The following MCTP1 variants were observed in gnomAD, a reference collection of about 807,000 sequenced individuals.
The protein encoded by MCTP1 is multiple C2 and transmembrane domain containing 1, also known as multiple C2 and transmembrane domain-containing protein 1.
In MCTP1, 69 loss-of-function variants were observed where a neutral mutation model predicts 120.6. The observed-to-expected ratio is 0.57, with a 90% CI of 0.47 to 0.70. The LOEUF is 0.70. MCTP1 is among the 30% of genes least tolerant of loss of function. MCTP1 has a pLI of 0.00. For synonymous variants in MCTP1, 529 were observed against 493.1 expected (o/e 1.07, Z -0.96); for missense variants, 1,203 against 1,248.8 (o/e 0.96, Z 0.55).
In MCTP1 at chr5:95,212,596, T is replaced by C. The variant is rs537206360; in HGVS notation, c.720+71260A>G. Among the ~76,000 whole-genome samples the C allele has an allele frequency of 2.1e-3, 313 of 152,142 alleles. 1 individual carries two copies. Among genetic ancestry groups the C allele is most frequent in the African/African-American group, 6.7e-3 (278 of 41,508 alleles). On this transcript the variant is annotated intron_variant, in intron 1 of 22. Transcript: ENST00000515393. ...TTTAGACCAATATCCTTGATGAACA[T>C]TGATGCAAAAATCCTCAATAAAATA...
chr5:94,861,665 G>A (rs1218949838), intron 17 of MCTP1, among the ~76,000 whole-genome samples: 2 of 151,760 alleles, frequency 1.3e-5, no homozygotes, highest in Non-Finnish European at 2.9e-5. Context: ...TGCTCAGCAT[G>A]TCTGTCCTTT....
At chr5:95,052,393 AT>A (rs1254758977) in intron 1 of MCTP1, among the ~76,000 whole-genome samples, 2 of 152,212 alleles carry the variant, frequency 1.3e-5, no homozygotes, top group Admixed American at 6.5e-5. Context: ...TTTTATGCTT[AT>A]TATACTGAGA....
intron 19 of MCTP1, among the ~76,000 whole-genome samples, chr5:94,775,678 T>A (rs773326816): frequency 6.6e-6 from 1 of 152,084 alleles, no homozygotes; most frequent in Non-Finnish European, 1.5e-5. Flanking sequence ...AACATAGTGC[T>A]ACTACATAAT....
chr5:94,771,816 GC>G (rs1188332049), intron 19 of MCTP1, among the ~76,000 whole-genome samples: 1 of 152,184 alleles, frequency 6.6e-6, no homozygotes, highest in Non-Finnish European at 1.5e-5. Context: ...AAACCTAGGT[GC>G]TTGGAAATCA....
intron 2 of MCTP1, among the ~76,000 whole-genome samples, chr5:95,016,079 T>G (rs1428508242): frequency 1.3e-5 from 2 of 152,160 alleles, no homozygotes; most frequent in Non-Finnish European, 2.9e-5. Flanking sequence ...TAAACATGTG[T>G]CCTTAGCTAC....
rs188382043 is a variant in MCTP1 at position 94,925,655 on chromosome 5, C to T, written c.1213-1634G>A. Reference sequence around the variant, plus strand: ...CAATCTCCTGACCTCGTGATCCGCCCGCCTAGGCCTGCCAAAGTGCTGGGA... The same window carrying T: ...CAATCTCCTGACCTCGTGATCCGCCTGCCTAGGCCTGCCAAAGTGCTGGGA... On this transcript the variant is annotated intron_variant, in intron 6 of 22. Coordinates refer to ENST00000515393, the MANE Select transcript of MCTP1 (RefSeq NM_024717.7). Among the ~76,000 whole-genome samples, 988 of 152,260 alleles carry T rather than the reference C, an allele frequency of 6.5e-3. 10 individuals are homozygous for T. Among genetic ancestry groups the T allele is most frequent in the Admixed American group, 0.01 (157 of 15,296 alleles).
chr5:94,779,199 TAAAGG>T (rs750661106), intron 18 of MCTP1, 36 bp from the exon 19 acceptor site: 7 of 1,573,950 alleles, frequency 4.4e-6, no homozygotes, highest in South Asian at 1.1e-5. Context: ...TTTGTGCTCT[TAAAGG>T]AGAGAATTTT....
chr5:94,809,186 G>T (rs1190653082), intron 17 of MCTP1, among the ~76,000 whole-genome samples: 2 of 151,808 alleles, frequency 1.3e-5, no homozygotes, highest in Non-Finnish European at 2.9e-5. Flanking sequence ...TACTTTCCTT[G>T]ATGGAGATAT....
At chr5:94,774,707 G>A (rs1774915731) in intron 19 of MCTP1, among the ~76,000 whole-genome samples, 1 of 152,076 alleles carries the variant, frequency 6.6e-6, no homozygotes. Context: ...TACCATGTGT[G>A]GCAATTTGTT....
chr5:94,791,112 CAAAAAAA>C (rs60394333), intron 18 of MCTP1, among the ~76,000 whole-genome samples: 1,036 of 99,672 alleles, frequency 0.01, 6 homozygotes, highest in Middle Eastern at 0.041. Flanking sequence ...GTCTCTACTA[CAAAAAAA>C]AAAAAAAAAA....
At chr5:94,996,916 T>C (rs1383811089) in intron 2 of MCTP1, among the ~76,000 whole-genome samples, 1 of 152,206 alleles carries the variant, frequency 6.6e-6, no homozygotes, top group Non-Finnish European at 1.5e-5. Context: ...AGGTTTGATA[T>C]GTTGAGACAA....
chr5:94,873,184 G>A lies in MCTP1; in HGVS notation c.1991C>T (p.Thr664Ile). 2.5e-6 allele frequency: 4 copies of A among 1,610,996 alleles called. No homozygotes were observed. The highest frequency in any genetic ancestry group is 3.4e-6 in the Non-Finnish European group (4 of 1,177,740). The part of the protein sequence containing the change: ...ELNNDRLLTH[T>I]VYKNLNPEWN... The stretch of plus-strand genomic sequence containing the variant: ...CTCAGGATTGAGATTTTTGTAGACA[G>A]TATGTGTTAGCAGTCTATCGTTGTT... Residue 664 changes from threonine to isoleucine, a missense_variant, in exon 13 of 23, where the codon ACT (threonine) becomes ATT (isoleucine). By Grantham distance (89) the Thr-to-Ile change is moderately conservative. This residue lies in a region of MCTP1 where 740 missense variants were observed against 871.1 expected (regional missense o/e 0.85). Coordinates refer to ENST00000515393, the MANE Select transcript of MCTP1 (RefSeq NM_024717.7).
At chr5:95,164,692 C>G (rs1435502104) in intron 1 of MCTP1, among the ~76,000 whole-genome samples, 1 of 152,036 alleles carries the variant, frequency 6.6e-6, no homozygotes, top group Non-Finnish European at 1.5e-5. Flanking sequence ...AAATTATTTG[C>G]TATTCATCTG....
At chr5:95,157,636 T>G (rs1002996254) in intron 1 of MCTP1, among the ~76,000 whole-genome samples, 1 of 152,172 alleles carries the variant, frequency 6.6e-6, no homozygotes, top group Non-Finnish European at 1.5e-5. Flanking sequence ...CCATTAAAAA[T>G]ACTGGGAAAA....
intron 16 of MCTP1, among the ~76,000 whole-genome samples, chr5:94,870,094 A>G (rs1476867405): frequency 6.6e-6 from 1 of 152,074 alleles, no homozygotes; most frequent in Non-Finnish European, 1.5e-5. Context: ...TGGCAATCAA[A>G]TTGCATTTTA....
intron 1 of MCTP1, among the ~76,000 whole-genome samples, chr5:95,030,038 G>A (rs535969497): frequency 8.5e-5 from 13 of 152,296 alleles, no homozygotes; most frequent in African/African-American, 2.4e-4. Context: ...TGATCTGGCC[G>A]GGGAAGAGGT....
At chr5:94,773,927 GGCCGGGC>G (rs1456630377) in intron 19 of MCTP1, among the ~76,000 whole-genome samples, 1 of 111,132 alleles carries the variant, frequency 9.0e-6, no homozygotes. Flanking sequence ...AGATGAAATA[GGCCGGGC>G]GCGGTGGCTC....
chr5:95,071,199 G>C (rs1582146164), intron 1 of MCTP1, among the ~76,000 whole-genome samples: 1 of 152,146 alleles, frequency 6.6e-6, no homozygotes, highest in Non-Finnish European at 1.5e-5. Flanking sequence ...AGCTAACCTG[G>C]GCATACCTAT....
At chr5:94,714,239 G>A (rs1225189356) in intron 20 of MCTP1, among the ~76,000 whole-genome samples, 1 of 152,008 alleles carries the variant, frequency 6.6e-6, no homozygotes, top group Non-Finnish European at 1.5e-5. Flanking sequence ...TAAAAATTGT[G>A]TGCATTTTCT....
Sources: allele counts gnomAD v4.1 joint callset (sites outside exome capture counted in the v4.1 genomes callset), GRCh38; gene constraint gnomAD v4.1.1; regional missense constraint gnomAD v4.1.1; transcripts MANE v1.5; gene names NCBI Gene and HGNC (gene_info 2026-07-23, HGNC 2026-07-21).